ELOVL5: variants seen among roughly 807,000 people sequenced by gnomAD.
The protein encoded by ELOVL5 is very long chain fatty acid elongase 5.
ELOVL5 carries 8 observed loss-of-function variants against 38.6 expected under a neutral mutation model. The ratio of observed to expected loss-of-function variants is 0.21; its 90% CI spans 0.12 to 0.37. ELOVL5 has a LOEUF of 0.37. Among genes scored for constraint, ELOVL5 ranks in the 10% least tolerant of loss-of-function variants. The probability of loss-of-function intolerance (pLI) is 1.00; values close to 1 mark genes in which losing one functional copy is unlikely to be tolerated. For synonymous variants in ELOVL5, 127 were observed against 133.7 expected (o/e 0.95, Z 0.34); for missense variants, 280 against 367.8 (o/e 0.76, Z 1.95).
At chr6:53,347,100 T>C (rs548923487) in intron 1 of ELOVL5, among the ~76,000 whole-genome samples, 1 of 152,312 alleles carries the variant, frequency 6.6e-6, no homozygotes, top group Non-Finnish European at 1.5e-5. Context: ...AACATCAAAT[T>C]TTAGTAAGCC....
chr6:53,299,201 T>A (rs983553360), intron 1 of ELOVL5, among the ~76,000 whole-genome samples: 5 of 152,160 alleles, frequency 3.3e-5, no homozygotes, highest in Non-Finnish European at 5.9e-5. Context: ...GCTGAATATA[T>A]GTTCAAAACC....
At chr6:53,302,916 T>A (rs1327369737) in intron 1 of ELOVL5, among the ~76,000 whole-genome samples, 1 of 152,176 alleles carries the variant, frequency 6.6e-6, no homozygotes, top group Non-Finnish European at 1.5e-5. Flanking sequence ...ACGGTTATTG[T>A]TCACCTAAAA....
intron 1 of ELOVL5, among the ~76,000 whole-genome samples, chr6:53,341,521 G>C (rs1276044557): frequency 1.3e-5 from 2 of 152,130 alleles, no homozygotes; most frequent in African/African-American, 4.8e-5. Context: ...CTTTATCTTA[G>C]TTTCCTCATC....
chr6:53,313,428 A>G (rs1767917943), intron 1 of ELOVL5, among the ~76,000 whole-genome samples: 1 of 152,092 alleles, frequency 6.6e-6, no homozygotes, highest in Non-Finnish European at 1.5e-5. Context: ...TGGCACAATG[A>G]TGGCTCACTG....
chr6:53,306,230 AGGGGAGAGGGAGAG>A (rs1213842008), intron 1 of ELOVL5, among the ~76,000 whole-genome samples: 2 of 19,304 alleles, frequency 1.0e-4, no homozygotes, highest in Non-Finnish European at 1.6e-4. Flanking sequence ...GAGAGGGGAG[AGGGGAGAGGGAGAG>A]GGGAGAGGGG....
At chr6:53,315,445 A>T (rs368641521) in intron 1 of ELOVL5, among the ~76,000 whole-genome samples, 178 of 152,300 alleles carry the variant, frequency 1.2e-3, no homozygotes, top group African/African-American at 4.2e-3. Flanking sequence ...TAAACGAATG[A>T]CTGTTTACAG....
At chr6:53,287,566 T>A (rs1353466499) in intron 3 of ELOVL5, among the ~76,000 whole-genome samples, 3 of 152,046 alleles carry the variant, frequency 2.0e-5, no homozygotes, top group Admixed American at 1.3e-4. Flanking sequence ...GAAAAAAAAA[T>A]TCACTCTCTA....
In ELOVL5 at chr6:53,305,741, C is replaced by G. The variant is rs546073251; in HGVS notation, c.-8-10034G>C. Among the ~76,000 whole-genome samples the G allele has an allele frequency of 4.0e-5, 6 of 151,226 alleles. No individual in the cohort carries two copies. In the East Asian group the frequency reaches 9.9e-4, roughly 25 times the overall value. ...CAGACTGGGCAGCCAGGCAGAGGGTCTCCTCACATCCCAGATGATGGGCGG... is the reference window on the plus strand; with the variant it reads ...CAGACTGGGCAGCCAGGCAGAGGGTGTCCTCACATCCCAGATGATGGGCGG... On this transcript the variant is annotated intron_variant, in intron 1 of 7. Coordinates refer to ENST00000304434, the MANE Select transcript of ELOVL5 (RefSeq NM_021814.5).
At chr6:53,347,203 T>C (rs564422994) in intron 1 of ELOVL5, among the ~76,000 whole-genome samples, 1 of 152,128 alleles carries the variant, frequency 6.6e-6, no homozygotes. Flanking sequence ...TGTCTTCAAT[T>C]AGAAATAGAA....
rs1054705002 is a variant in ELOVL5, at chr6:53,267,998, A to C, written c.*1129T>G. Reference sequence around the variant, plus strand: ...AAATTACAAGTACTATTAGATTTACATTAAACAAGTTACCTCTATCAAATT... The same window carrying C: ...AAATTACAAGTACTATTAGATTTACCTTAAACAAGTTACCTCTATCAAATT... On this transcript the variant is annotated 3_prime_UTR_variant, in exon 8 of 8. Transcript: ENST00000304434. 4 of 152,256 alleles carry C rather than the reference A, an allele frequency of 2.6e-5. No homozygotes were observed. The highest frequency in any genetic ancestry group is 9.6e-5 in the African/African-American group (4 of 41,472). The allele number at this position is 152,256 out of a possible 1,614,324, so 9.4% of individuals were successfully genotyped here. A position where few individuals can be genotyped will look rare whatever the true frequency, so the allele number is the denominator to read the frequency against.
At chr6:53,330,763 AATT>A (rs1768764660) in intron 1 of ELOVL5, among the ~76,000 whole-genome samples, 2 of 151,934 alleles carry the variant, frequency 1.3e-5, no homozygotes, top group Admixed American at 1.3e-4. Flanking sequence ...GCTGCATAAA[AATT>A]ATTTTCTTTA....
At chr6:53,321,266 C>T (rs1033632105) in intron 1 of ELOVL5, among the ~76,000 whole-genome samples, 2 of 152,212 alleles carry the variant, frequency 1.3e-5, no homozygotes, top group African/African-American at 2.4e-5. Context: ...ATCCCACAAG[C>T]AGGGTCAGTC....
intron 1 of ELOVL5, among the ~76,000 whole-genome samples, chr6:53,343,775 C>T (rs1224138800): frequency 6.6e-6 from 1 of 152,208 alleles, no homozygotes; most frequent in East Asian, 1.9e-4. Context: ...CAAATTACTT[C>T]AGTTTTAATA....
intron 3 of ELOVL5, among the ~76,000 whole-genome samples, chr6:53,276,837 A>T (rs1329543622): frequency 2.0e-5 from 3 of 151,858 alleles, no homozygotes; most frequent in Non-Finnish European, 4.4e-5. Context: ...GTCCAACTTT[A>T]TCTTCATTAT....
At chr6:53,338,605 C>T (rs1269717516) in intron 1 of ELOVL5, among the ~76,000 whole-genome samples, 3 of 152,180 alleles carry the variant, frequency 2.0e-5, no homozygotes, top group Non-Finnish European at 4.4e-5. Flanking sequence ...ATACTACACA[C>T]GCCTCTAATG....
At chr6:53,297,285 T>TA (rs1767042936) in intron 1 of ELOVL5, among the ~76,000 whole-genome samples, 1 of 152,230 alleles carries the variant, frequency 6.6e-6, no homozygotes, top group Non-Finnish European at 1.5e-5. Context: ...GATTTTAACA[T>TA]ACAGTAGTCC....
intron 1 of ELOVL5, among the ~76,000 whole-genome samples, chr6:53,348,422 C>G (rs1390411789): frequency 6.6e-6 from 1 of 152,066 alleles, no homozygotes; most frequent in African/African-American, 2.4e-5. Context: ...CCGCGCGCTC[C>G]GGCCCGCAGG....
chr6:53,346,130 C>T (rs982394526), intron 1 of ELOVL5, among the ~76,000 whole-genome samples: 3 of 152,058 alleles, frequency 2.0e-5, no homozygotes, highest in Non-Finnish European at 4.4e-5. Flanking sequence ...TCTCACTGTT[C>T]GACTCCCACT....
chr6:53,269,671 C>G (rs1416650433), intron 7 of ELOVL5, among the ~76,000 whole-genome samples: 2 of 152,224 alleles, frequency 1.3e-5, no homozygotes, highest in African/African-American at 4.8e-5. Context: ...AAGTTCCTCA[C>G]TGCCTCGGCG....
Sources: gnomAD v4.1 joint callset for allele counts (sites outside exome capture counted in the v4.1 genomes callset) on GRCh38, gnomAD v4.1.1 for gene constraint, MANE v1.5 for transcripts, NCBI Gene and HGNC (gene_info 2026-07-23, HGNC 2026-07-21) for gene names.